Variants in FIGN observed in about 807,000 individuals in gnomAD.
FIGN encodes fidgetin, microtubule severing factor.
Under a neutral mutation model 51.3 loss-of-function variants are expected in FIGN, and 11 were observed. The ratio of observed to expected loss-of-function variants is 0.21; its 90% CI spans 0.13 to 0.35. The LOEUF is 0.35. Ranked by LOEUF, FIGN falls within the 10% of genes least tolerant of loss-of-function variation. FIGN has a pLI of 1.00. For synonymous variants in FIGN, 407 were observed against 363.2 expected (o/e 1.12, Z -1.37); for missense variants, 857 against 943.6 (o/e 0.91, Z 1.20).
intron 2 of FIGN, among the ~76,000 whole-genome samples, chr2:163,632,120 C>T (rs1159188694): frequency 6.6e-6 from 1 of 151,914 alleles, no homozygotes; most frequent in Non-Finnish European, 1.5e-5. Context: ...TACATTCCAG[C>T]CTAGGCAAGA....
At chr2:163,705,107 C>T (rs1404540324) in intron 2 of FIGN, among the ~76,000 whole-genome samples, 2 of 152,104 alleles carry the variant, frequency 1.3e-5, no homozygotes, top group African/African-American at 2.4e-5. Flanking sequence ...TCATAAGAGA[C>T]ACCACATACA....
At chr2:163,715,435 C>G (rs567831472) in intron 2 of FIGN, among the ~76,000 whole-genome samples, 1 of 152,256 alleles carries the variant, frequency 6.6e-6, no homozygotes, top group East Asian at 1.9e-4. Flanking sequence ...GAAGGAAAAA[C>G]TAGATGAGTG....
At chr2:163,632,804 G>T (rs1329635542) in intron 2 of FIGN, among the ~76,000 whole-genome samples, 1 of 152,044 alleles carries the variant, frequency 6.6e-6, no homozygotes, top group Non-Finnish European at 1.5e-5. Context: ...AATACAAAAT[G>T]CTCTCTGATC....
chr2:163,698,419 T>A (rs1184462227), intron 2 of FIGN, among the ~76,000 whole-genome samples: 4 of 151,952 alleles, frequency 2.6e-5, no homozygotes, highest in Admixed American at 1.3e-4. Flanking sequence ...ACTCCTAGTC[T>A]CCCAATGCTA....
chr2:163,611,924 A>ACCAAC, intron 2 of FIGN, 118 bp from the exon 3 acceptor site: 1 of 454,722 alleles, frequency 2.2e-6, no homozygotes, highest in Non-Finnish European at 3.4e-6. Flanking sequence ...GCATACTTTA[A>ACCAAC]AAGATCTACA....
At chr2:163,683,089 G>A (rs1016714524) in intron 2 of FIGN, among the ~76,000 whole-genome samples, 2 of 152,066 alleles carry the variant, frequency 1.3e-5, no homozygotes, top group African/African-American at 4.8e-5. Flanking sequence ...CATATGGGTT[G>A]GAGGAAAAGA....
intron 2 of FIGN, among the ~76,000 whole-genome samples, chr2:163,713,081 TTTTG>T (rs1382122342): frequency 1.3e-5 from 2 of 152,322 alleles, no homozygotes; most frequent in Non-Finnish European, 2.9e-5. Flanking sequence ...GATTTGTTTA[TTTTG>T]TTTATGTAAA....
chr2:163,614,220 C>T lies in FIGN; in HGVS notation c.26-2414G>A, dbSNP rs1015643316. ...CTTTTTAAGGGGGAGGAAAACACAC[C>T]GCAAAATGGGTGAAATGACCGAAAC... On this transcript the variant is annotated intron_variant, in intron 2 of 2. Transcript: ENST00000333129. Among the ~76,000 whole-genome samples, 4 of 151,860 alleles carry T rather than the reference C, an allele frequency of 2.6e-5. No individual in the cohort carries two copies. In the East Asian group the frequency reaches 5.8e-4, roughly 22 times the overall value.
At chr2:163,635,373 G>T (rs1043190550) in intron 2 of FIGN, among the ~76,000 whole-genome samples, 4 of 152,178 alleles carry the variant, frequency 2.6e-5, no homozygotes, top group Non-Finnish European at 5.9e-5. Flanking sequence ...CTAGAGACCA[G>T]TCTGGGCAAC....
At chr2:163,670,867 A>C (rs189957619) in intron 2 of FIGN, among the ~76,000 whole-genome samples, 113 of 152,340 alleles carry the variant, frequency 7.4e-4, no homozygotes, top group Non-Finnish European at 1.4e-3. Context: ...AATTTGGCAA[A>C]GAGAAAAAAA....
At chr2:163,655,802 C>CAGAGAG (rs1260075041) in intron 2 of FIGN, among the ~76,000 whole-genome samples, 3 of 136,228 alleles carry the variant, frequency 2.2e-5, no homozygotes, top group South Asian at 2.1e-4. Context: ...CACACACACA[C>CAGAGAG]ACAGAGAGAG....
At chr2:163,615,262 T>C (rs1216322650) in intron 2 of FIGN, among the ~76,000 whole-genome samples, 2 of 152,204 alleles carry the variant, frequency 1.3e-5, no homozygotes, top group Non-Finnish European at 2.9e-5. Context: ...TCATATCCCC[T>C]GAAACGAGAA....
At chr2:163,611,900 T>A in intron 2 of FIGN, 94 bp from the exon 3 acceptor site, 1 of 978,738 alleles carries the variant, frequency 1.0e-6, no homozygotes. Flanking sequence ...CCTATTATTT[T>A]CCATTAATGA....
chr2:163,678,007 C>T (rs1422452591), intron 2 of FIGN, among the ~76,000 whole-genome samples: 1 of 152,154 alleles, frequency 6.6e-6, no homozygotes, highest in Non-Finnish European at 1.5e-5. Flanking sequence ...AGTAGAGTTG[C>T]TATATATCCT....
chr2:163,659,239 C>T (rs1002825618), intron 2 of FIGN, among the ~76,000 whole-genome samples: 4 of 152,018 alleles, frequency 2.6e-5, no homozygotes, highest in Admixed American at 1.3e-4. Flanking sequence ...TAGTGCAAAC[C>T]GAGAAGAAAT....
At chr2:163,675,719 T>G (rs1325090525) in intron 2 of FIGN, among the ~76,000 whole-genome samples, 1 of 146,654 alleles carries the variant, frequency 6.8e-6, no homozygotes, top group Admixed American at 6.8e-5. Context: ...TTTTTTTTTT[T>G]TTTTTTTTTT....
intron 2 of FIGN, among the ~76,000 whole-genome samples, chr2:163,726,008 T>C (rs892996978): frequency 6.6e-6 from 1 of 152,124 alleles, no homozygotes; most frequent in Non-Finnish European, 1.5e-5. Context: ...ATATCGATGA[T>C]TGGTTGATTA....
Position 163,611,573 on chromosome 2 carries a change from C to T in FIGN, c.259G>A (p.Val87Ile), listed in dbSNP as rs781168253. The change falls in exon 3 of 3, where the codon GTA (valine) becomes ATA (isoleucine). Residue 87 changes from valine (V) to isoleucine (I), a missense_variant. By Grantham distance (29) the Val-to-Ile change is conservative. Coordinates refer to ENST00000333129, the MANE Select transcript of FIGN (RefSeq NM_018086.4). ...GGTGTGTCCGAATAGTTGCTGAGTA[C>T]GGGTCGGTCCACAGGACCTTCCAAA... is the stretch of plus-strand genomic sequence containing the variant. ...GILEGPVDRP[V>I]LSNYSDTPSG... The T allele has an allele frequency of 7.4e-6, 12 of 1,614,204 alleles. No homozygotes were observed. The highest frequency in any genetic ancestry group is 3.3e-4 in the Middle Eastern group (2 of 6,060).
chr2:163,603,698 A>G lies in FIGN; in HGVS notation c.*5854T>C, dbSNP rs747709997. The G allele has an allele frequency of 6.6e-6, 1 of 152,096 alleles. No homozygotes were observed. The highest frequency in any genetic ancestry group is 2.4e-5 in the African/African-American group (1 of 41,440). The allele number at this position is 152,096 out of a possible 1,614,324, so 9.4% of individuals were successfully genotyped here. On this transcript the variant is annotated 3_prime_UTR_variant, in exon 3 of 3. Transcript: ENST00000333129. ...GAATTCACATCTGTGGGAGTTGTGG[A>G]TTGTCACAGTTCATTTGCTTTTGTA...
Sources: allele counts gnomAD v4.1 joint callset (sites outside exome capture counted in the v4.1 genomes callset), GRCh38; gene constraint gnomAD v4.1.1; transcripts MANE v1.5; gene names NCBI Gene and HGNC (gene_info 2026-07-23, HGNC 2026-07-21).